The following TTC27 variants were observed in gnomAD, a reference collection of about 807,000 sequenced individuals.
TTC27 encodes the protein tetratricopeptide repeat domain 27.
A neutral mutation model predicts 115.9 loss-of-function variants in TTC27; 79 were observed. The observed-to-expected ratio is 0.68, with a 90% CI of 0.57 to 0.82. The LOEUF is 0.82. Among genes scored for constraint, TTC27 ranks in the 40% least tolerant of loss-of-function variants. The probability of loss-of-function intolerance (pLI) is 0.00; values close to 1 mark genes in which losing one functional copy is unlikely to be tolerated. For synonymous variants in TTC27, 401 were observed against 356.0 expected, an observed-to-expected ratio of 1.13 and a Z score of -1.42; for missense variants, 1,054 against 993.1, an observed-to-expected ratio of 1.06 and a Z score of -0.82.
Position 32,754,187 on chromosome 2 carries a change from C to T in TTC27, c.1453-4105C>T, listed in dbSNP as rs186145206. On this transcript the variant is annotated intron_variant, in intron 12 of 19. Coordinates refer to ENST00000317907, the MANE Select transcript of TTC27 (RefSeq NM_017735.5). ...TAATTGATCATTCTTGGGTGTTTCT[C>T]GCAGAGGGGGATTTGCCAGGGTCAT... 2.0e-3 allele frequency among the ~76,000 whole-genome samples: 292 copies of T among 146,598 alleles called. 2 individuals carry two copies. Among genetic ancestry groups the T allele is most frequent in the African/African-American group, 7.1e-3 (283 of 39,594 alleles).
intron 13 of TTC27, among the ~76,000 whole-genome samples, chr2:32,761,775 G>A (rs4952292): frequency 0.16 from 23,865 of 151,622 alleles, 2,323 homozygotes; most frequent in South Asian, 0.35. Flanking sequence ...ATTTTTTTCC[G>A]TAGCACTTAT....
chr2:32,781,964 C>T lies in TTC27; in HGVS notation c.1780-662C>T, dbSNP rs568377908. On this transcript the variant is annotated intron_variant, in intron 14 of 19. Transcript: ENST00000317907. ...TGCCAAGTCTGGAAGTGGAAGTCCA[C>T]TGCCACTTAATTTTTGAGTCATATG... is the stretch of plus-strand genomic sequence containing the variant. Among the ~76,000 whole-genome samples, 7 of 152,288 alleles carry T rather than the reference C, an allele frequency of 4.6e-5. No individual in the cohort carries two copies. The East Asian group carries it at 7.7e-4, about 17-fold the overall frequency.
At chr2:32,747,308 C>T (rs976226360) in intron 12 of TTC27, among the ~76,000 whole-genome samples, 6 of 152,170 alleles carry the variant, frequency 3.9e-5, no homozygotes, top group African/African-American at 1.2e-4. Flanking sequence ...TACCTCCCAA[C>T]AAACCCATCG....
intron 13 of TTC27, 50 bp from the exon 14 acceptor site, chr2:32,777,832 C>A: frequency 6.4e-7 from 1 of 1,556,570 alleles, no homozygotes; most frequent in South Asian, 1.1e-5. Flanking sequence ...AGATTACATT[C>A]TGTAAATGTT....
At chr2:32,635,987 A>G (rs1664409355) in intron 3 of TTC27, among the ~76,000 whole-genome samples, 1 of 152,168 alleles carries the variant, frequency 6.6e-6, no homozygotes, top group Non-Finnish European at 1.5e-5. Flanking sequence ...TTTCATCCAA[A>G]ATGGGAGTAA....
intron 8 of TTC27, among the ~76,000 whole-genome samples, chr2:32,677,435 G>T (rs914869303): frequency 1.3e-5 from 2 of 151,856 alleles, no homozygotes; most frequent in African/African-American, 4.8e-5. Flanking sequence ...TGTTCACAAA[G>T]AATAGTGCCA....
At chr2:32,705,793 A>G (rs192571849) in intron 10 of TTC27, among the ~76,000 whole-genome samples, 201 of 152,258 alleles carry the variant, frequency 1.3e-3, no homozygotes, top group African/African-American at 4.6e-3. Flanking sequence ...ACCTCCAGCA[A>G]TCCTCCTGCC....
intron 19 of TTC27, among the ~76,000 whole-genome samples, chr2:32,817,954 G>A (rs1671561897): frequency 6.6e-6 from 1 of 152,092 alleles, no homozygotes; most frequent in Non-Finnish European, 1.5e-5. Context: ...CCACTCAGGA[G>A]GCTGAGGCAG....
intron 12 of TTC27, among the ~76,000 whole-genome samples, chr2:32,753,019 G>T (rs1669069889): frequency 6.6e-6 from 1 of 152,172 alleles, no homozygotes; most frequent in Non-Finnish European, 1.5e-5. Context: ...AGGAATTTAG[G>T]AAGGGTTTGA....
intron 9 of TTC27, among the ~76,000 whole-genome samples, chr2:32,688,540 T>C (rs4952282): frequency 6.6e-6 from 1 of 152,134 alleles, no homozygotes; most frequent in East Asian, 1.9e-4. Context: ...AAAAGACTTT[T>C]ACTTAGCATA....
Position 32,686,715 on chromosome 2 carries a change from T to A in TTC27, c.1119+7793T>A, listed in dbSNP as rs539581258. 2.1e-4 allele frequency among the ~76,000 whole-genome samples: 32 copies of A among 152,192 alleles called. 1 individual carries two copies. In the South Asian group the frequency reaches 6.4e-3, roughly 31 times the overall value. ...CCTTCTGCAGAAAAAAATTATCAAC[T>A]GTGGGCAAGGTGCGAAAACAAAAAA... On this transcript the variant is annotated intron_variant, in intron 9 of 19. Transcript: ENST00000317907.
At chr2:32,793,997 TG>T in intron 16 of TTC27, among the ~76,000 whole-genome samples, 1 of 152,334 alleles carries the variant, frequency 6.6e-6, no homozygotes, top group South Asian at 2.1e-4. Flanking sequence ...TATTAGTGTA[TG>T]TTTTGGGGCA....
At chr2:32,630,407 C>G (rs1163912147) in intron 1 of TTC27, 116 bp from the exon 2 acceptor site, 4 of 727,102 alleles carry the variant, frequency 5.5e-6, no homozygotes, top group African/African-American at 5.3e-5. Context: ...AGTAATCATT[C>G]TAAGTCTATA....
intron 12 of TTC27, among the ~76,000 whole-genome samples, chr2:32,749,503 T>G (rs1291850025): frequency 1.3e-5 from 2 of 152,236 alleles, no homozygotes; most frequent in African/African-American, 4.8e-5. Flanking sequence ...TTAGCATTTC[T>G]CTTGAATAAA....
At chr2:32,766,960 A>AT (rs1344421088) in intron 13 of TTC27, among the ~76,000 whole-genome samples, 1 of 151,806 alleles carries the variant, frequency 6.6e-6, no homozygotes, top group Admixed American at 6.6e-5. Context: ...TAATTTTTGT[A>AT]TTTTTTGTAG....
At chr2:32,779,848 T>G (rs1670115500) in intron 14 of TTC27, among the ~76,000 whole-genome samples, 1 of 151,878 alleles carries the variant, frequency 6.6e-6, no homozygotes, top group African/African-American at 2.4e-5. Flanking sequence ...GGGTCCAACT[T>G]CATTCTTTTA....
chr2:32,753,185 T>C (rs1159200307), intron 12 of TTC27, among the ~76,000 whole-genome samples: 1 of 152,080 alleles, frequency 6.6e-6, no homozygotes, highest in African/African-American at 2.4e-5. Flanking sequence ...CACAGCATGA[T>C]GACTACAGGG....
chr2:32,693,544 A>T (rs758794196), intron 9 of TTC27, among the ~76,000 whole-genome samples: 16 of 152,224 alleles, frequency 1.1e-4, no homozygotes, highest in Non-Finnish European at 2.1e-4. Flanking sequence ...AGATCCATAC[A>T]TATACAGTTC....
intron 16 of TTC27, among the ~76,000 whole-genome samples, chr2:32,791,600 C>A (rs960329115): frequency 1.3e-5 from 2 of 152,096 alleles, no homozygotes; most frequent in African/African-American, 4.8e-5. Context: ...TTATTTTTTT[C>A]TTTGTCACGC....
Sources: gnomAD v4.1 joint callset for allele counts (sites outside exome capture counted in the v4.1 genomes callset) on GRCh38, gnomAD v4.1.1 for gene constraint, MANE v1.5 for transcripts, NCBI Gene and HGNC (gene_info 2026-07-23, HGNC 2026-07-21) for gene names.